NAALADL2: variants seen among roughly 807,000 people sequenced by gnomAD.
NAALADL2 encodes the protein inactive N-acetylated-alpha-linked acidic dipeptidase-like protein 2.
Under a neutral mutation model 87.2 loss-of-function variants are expected in NAALADL2, and 76 were observed. That is an observed-to-expected ratio of 0.87 (90% CI 0.72 to 1.05). The LOEUF (loss-of-function observed/expected upper bound fraction) is 1.05, where lower values mean the gene tolerates loss of function less well. Ranked by LOEUF, NAALADL2 falls within the 50% of genes least tolerant of loss-of-function variation. The pLI is 0.00. For missense variants in NAALADL2, 1,089 were observed against 945.8 expected (o/e 1.15, Z -1.99); for synonymous variants, 354 against 331.0 (o/e 1.07, Z -0.75).
chr3:175,558,273 TATTAG>T (rs2149508526), intron 9 of NAALADL2, among the ~76,000 whole-genome samples: 1 of 152,022 alleles, frequency 6.6e-6, no homozygotes, highest in Non-Finnish European at 1.5e-5. Context: ...AAAATCAGGT[TATTAG>T]ATTTTTTTTC....
At chr3:175,210,578 A>G (rs1741624435) in intron 2 of NAALADL2, among the ~76,000 whole-genome samples, 1 of 151,720 alleles carries the variant, frequency 6.6e-6, no homozygotes, top group Non-Finnish European at 1.5e-5. Context: ...TATATTGTTA[A>G]TGTGGAATAT....
chr3:175,620,380 A>G (rs1419453353), intron 10 of NAALADL2, among the ~76,000 whole-genome samples: 3 of 152,352 alleles, frequency 2.0e-5, no homozygotes, highest in Non-Finnish European at 2.9e-5. Context: ...GCCAGCGTCA[A>G]GATGAGGGGA....
chr3:175,810,516 C>T lies in NAALADL2; in HGVS notation c.*7313C>T, dbSNP rs1260087160. ...CGTGAAATGTTAATGTTTAAAACAC[C>T]CATTTTGAAATTATTAAATACAGGT... On this transcript the variant is annotated 3_prime_UTR_variant, in exon 14 of 14. Coordinates refer to ENST00000454872, the MANE Select transcript of NAALADL2 (RefSeq NM_207015.3). 6.6e-6 allele frequency: 1 copy of T among 151,524 alleles called. No individual in the cohort carries two copies. The highest frequency in any genetic ancestry group is 2.4e-5 in the African/African-American group (1 of 41,250). 9.4% of individuals were successfully genotyped at this position (151,524 alleles called of 1,614,324 possible).
intron 9 of NAALADL2, among the ~76,000 whole-genome samples, chr3:175,516,932 T>A (rs907909318): frequency 6.6e-6 from 1 of 152,202 alleles, no homozygotes; most frequent in Admixed American, 6.5e-5. Context: ...ACCTTATATG[T>A]GCCACTTTTG....
At chr3:175,221,420 G>A (rs1743351605) in intron 2 of NAALADL2, among the ~76,000 whole-genome samples, 2 of 151,944 alleles carry the variant, frequency 1.3e-5, no homozygotes, top group South Asian at 4.1e-4. Context: ...GGCAATTTTT[G>A]TAAACATTTC....
intron 5 of NAALADL2, among the ~76,000 whole-genome samples, chr3:175,429,342 A>G (rs1413328458): frequency 1.3e-5 from 2 of 152,006 alleles, no homozygotes; most frequent in Non-Finnish European, 2.9e-5. Flanking sequence ...GTTTCATGCT[A>G]TAAATGCTGT....
chr3:175,152,012 T>C (rs531162163), intron 2 of NAALADL2, among the ~76,000 whole-genome samples: 24 of 152,334 alleles, frequency 1.6e-4, no homozygotes, highest in African/African-American at 5.5e-4. Flanking sequence ...TTAAAAGTAA[T>C]GTCTTCTTTG....
At chr3:175,564,656 T>C (rs1025864179) in intron 9 of NAALADL2, among the ~76,000 whole-genome samples, 4 of 152,222 alleles carry the variant, frequency 2.6e-5, no homozygotes, top group Non-Finnish European at 5.9e-5. Flanking sequence ...CCAGAGTTGT[T>C]ATCCTTCACT....
At chr3:174,850,800 C>A (rs893167926) in intron 3 of NAALADL2, among the ~76,000 whole-genome samples, 2 of 152,032 alleles carry the variant, frequency 1.3e-5, no homozygotes, top group African/African-American at 4.8e-5. Flanking sequence ...CCAACAAATG[C>A]AGAATGCACA....
At chr3:174,814,196 C>T (rs1243964215) in intron 3 of NAALADL2, among the ~76,000 whole-genome samples, 1 of 151,924 alleles carries the variant, frequency 6.6e-6, no homozygotes, top group Non-Finnish European at 1.5e-5. Context: ...GCAAGCTCCA[C>T]CCCCCGGGTT....
chr3:175,376,255 C>A (rs1179566817), intron 5 of NAALADL2, among the ~76,000 whole-genome samples: 1 of 152,034 alleles, frequency 6.6e-6, no homozygotes, highest in Non-Finnish European at 1.5e-5. Context: ...TTTCTTCACC[C>A]TAAAGAACTT....
At chr3:175,484,345 G>T (rs145072969) in intron 9 of NAALADL2, among the ~76,000 whole-genome samples, 1 of 151,908 alleles carries the variant, frequency 6.6e-6, no homozygotes, top group Non-Finnish European at 1.5e-5. Flanking sequence ...AATTATTTGC[G>T]AATGCTATGT....
At chr3:175,145,926 T>C (rs1730687064) in intron 2 of NAALADL2, among the ~76,000 whole-genome samples, 2 of 152,144 alleles carry the variant, frequency 1.3e-5, no homozygotes, top group Admixed American at 1.3e-4. Flanking sequence ...GACATATAGC[T>C]AGAATCAAGT....
At chr3:174,462,337 A>G (rs1047037570) in intron 1 of NAALADL2, among the ~76,000 whole-genome samples, 4 of 152,158 alleles carry the variant, frequency 2.6e-5, no homozygotes, top group Admixed American at 2.6e-4. Context: ...CCAAATGGAA[A>G]TCAAATCAGA....
chr3:175,469,388 T>G (rs139946155), intron 8 of NAALADL2, among the ~76,000 whole-genome samples: 3 of 152,050 alleles, frequency 2.0e-5, no homozygotes, highest in Admixed American at 2.0e-4. Context: ...TATATTCCCC[T>G]GTGAAGGGGA....
intron 13 of NAALADL2, among the ~76,000 whole-genome samples, chr3:175,766,967 A>G (rs940317226): frequency 1.3e-5 from 2 of 152,212 alleles, no homozygotes; most frequent in African/African-American, 4.8e-5. Flanking sequence ...AGGAAAGGAC[A>G]GGGAGCCAAT....
intron 11 of NAALADL2, among the ~76,000 whole-genome samples, chr3:175,686,199 T>C (rs749659657): frequency 6.6e-6 from 1 of 152,230 alleles, no homozygotes; most frequent in Non-Finnish European, 1.5e-5. Flanking sequence ...AGATGATGTC[T>C]AACTACTACA....
chr3:175,423,030 T>A (rs71629255), intron 5 of NAALADL2, among the ~76,000 whole-genome samples: 50,505 of 81,806 alleles, frequency 0.62, 14,185 homozygotes, highest in Non-Finnish European at 0.66. Context: ...AAAAAAAAAA[T>A]ATATATATAT....
intron 11 of NAALADL2, among the ~76,000 whole-genome samples, chr3:175,639,428 C>A (rs1728994617): frequency 6.8e-6 from 1 of 147,610 alleles, no homozygotes; most frequent in South Asian, 2.2e-4. Context: ...TCACACCATT[C>A]TCCTGCCTCA....
Sources: allele counts gnomAD v4.1 joint callset (sites outside exome capture counted in the v4.1 genomes callset), GRCh38; gene constraint gnomAD v4.1.1; transcripts MANE v1.5; gene names NCBI Gene and HGNC (gene_info 2026-07-23, HGNC 2026-07-21).